The following NPPA variants were observed in gnomAD, a reference collection of about 807,000 sequenced individuals.
The protein encoded by NPPA is natriuretic peptides A.
A neutral mutation model predicts 12.2 loss-of-function variants in NPPA; 10 were observed. That is an observed-to-expected ratio of 0.82 (90% CI 0.50 to 1.38). The LOEUF is 1.38. Ranked by LOEUF, NPPA falls within the 40% of genes most tolerant of loss-of-function variation. The pLI, the probability that NPPA is intolerant of heterozygous loss-of-function variation, is 0.00. For synonymous variants in NPPA, 85 were observed against 80.2 expected (o/e 1.06, Z -0.32); for missense variants, 207 against 193.5 (o/e 1.07, Z -0.41).
In NPPA at chr1:11,847,720, C is replaced by T. The variant is rs1390343979; in HGVS notation, c.-36G>A. 1 of 1,613,528 alleles carries T rather than the reference C, an allele frequency of 6.2e-7. No homozygotes were observed. The highest frequency in any genetic ancestry group is 1.1e-5 in the South Asian group (1 of 91,046). On this transcript the variant is annotated 5_prime_UTR_variant, in exon 1 of 3. Transcript: ENST00000376480. ...TCAAGGAGCAATCCACTGCTTGCTG[C>T]TCTGTCTCTCCCCTCTGGTTCCTCT...
chr1:11,846,269 A>G (rs1158393263), intron 2 of NPPA, among the ~76,000 whole-genome samples: 2 of 151,544 alleles, frequency 1.3e-5, no homozygotes, highest in Non-Finnish European at 2.9e-5. Flanking sequence ...CCATGCAAAG[A>G]TAACTTGGCT....
intron 1 of NPPA, 56 bp downstream of exon 1, chr1:11,847,506 A>G (rs1645077813): frequency 6.2e-7 from 1 of 1,614,034 alleles, no homozygotes; most frequent in Non-Finnish European, 8.5e-7. Flanking sequence ...AAGAGGAGTG[A>G]GCACAGCATC....
At chr1:11,847,075 GTCCATCCCATCCCATT>G (rs1645073826) in intron 2 of NPPA, 22 bp downstream of exon 2, 1 of 1,500,274 alleles carries the variant, frequency 6.7e-7, no homozygotes, top group African/African-American at 1.4e-5. Context: ...TCCCAGTAGT[GTCCATCCCATCCCATT>G]TCCATCCCCA....
chr1:11,845,872 G>C lies in NPPA; in HGVS notation c.*137C>G, dbSNP rs1645064756. The C allele has an allele frequency of 4.6e-6, 4 of 864,882 alleles. No homozygotes were observed. The Admixed American group carries it at 7.0e-5, about 15-fold the overall frequency. 53.6% of individuals were successfully genotyped at this position (864,882 alleles called of 1,614,324 possible). On this transcript the variant is annotated 3_prime_UTR_variant, in exon 3 of 3. Transcript: ENST00000376480. ...CATAAGATGTGAGAAGTGTTGACAG[G>C]AAGCTGCAGCTTAGATGGGATGATC...
At chr1:11,847,493 ATCAAGAGGAG>A in intron 1 of NPPA, 54 bp from the exon 2 acceptor site, 2 of 1,614,076 alleles carry the variant, frequency 1.2e-6, no homozygotes, top group Non-Finnish European at 1.7e-6. Flanking sequence ...CTTGGAGGAA[ATCAAGAGGAG>A]TGAGCACAGC....
Position 11,847,286 on chromosome 1 carries a change from C to T in NPPA, c.277G>A (p.Asp93Asn). The stretch of plus-strand genomic sequence containing the variant: ...GGGCCCCGCCCGAGGGCACCTCCAT[C>T]TCTCTGGGCTGGGCTGACTTCCCCG... ...WTGEVSPAQR[D>N]GGALGRGPWD... The change falls in exon 2 of 3, where the codon GAT becomes AAT. Residue 93 changes from aspartate to asparagine, a missense_variant. Transcript: ENST00000376480. 1 of 1,613,568 alleles carries T rather than the reference C, an allele frequency of 6.2e-7. No homozygotes were observed. The highest frequency in any genetic ancestry group is 8.5e-7 in the Non-Finnish European group (1 of 1,179,688).
Position 11,847,219 on chromosome 1 carries a change from A to G in NPPA, c.344T>C (p.Leu115Pro). The stretch of plus-strand genomic sequence containing the variant: ...CCGAGGGGCAGTGAGCAGCGCCCTC[A>G]GCTTGCTTTTTAGGAGGGCAGATCG... ...SDRSALLKSK[L>P]RALLTAPRSL... is the part of the protein sequence containing the mutation. Residue 115 changes from leucine to proline, a missense_variant, in exon 2 of 3, where the codon CTG (leucine) becomes CCG (proline). Transcript: ENST00000376480. 3 of 1,611,820 alleles carry G rather than the reference A, an allele frequency of 1.9e-6. No homozygotes were observed. The highest frequency in any genetic ancestry group is 2.5e-6 in the Non-Finnish European group (3 of 1,178,222).
rs948758051 is a variant in NPPA, at chr1:11,847,225, C to G, written c.338G>C (p.Ser113Thr). 18 of 1,612,266 alleles carry G rather than the reference C, an allele frequency of 1.1e-5. No homozygotes were observed. In the Admixed American group the frequency reaches 1.5e-4, roughly 13 times the overall value. ...DSSDRSALLK[S>T]KLRALLTAPR... ...GGCAGTGAGCAGCGCCCTCAGCTTGCTTTTTAGGAGGGCAGATCGATCAGA... is the reference window on the plus strand; with the variant it reads ...GGCAGTGAGCAGCGCCCTCAGCTTGGTTTTTAGGAGGGCAGATCGATCAGA... The change falls in exon 2 of 3, where the codon AGC becomes ACC. Residue 113 changes from serine (S) to threonine (T), a missense_variant. Coordinates refer to ENST00000376480, the MANE Select transcript of NPPA (RefSeq NM_006172.4).
In NPPA at chr1:11,847,170, G is replaced by A. The variant is rs768567024; in HGVS notation, c.393C>T (p.Phe131=). ...CTCCAATCCTGTCCATCCTGCCCCCGAAGCAGCTGGATCTCCGCAGGCTCC... is the reference window on the plus strand; with the variant it reads ...CTCCAATCCTGTCCATCCTGCCCCCAAAGCAGCTGGATCTCCGCAGGCTCC... ...APRSLRRSSC[F]GGRMDRIGAQ... is the part of the protein sequence containing the mutation. Residue 131 remains phenylalanine (F), a synonymous_variant, in exon 2 of 3, where the codon TTC becomes TTT. Coordinates refer to ENST00000376480, the MANE Select transcript of NPPA (RefSeq NM_006172.4). The A allele has an allele frequency of 6.7e-5, 107 of 1,589,870 alleles. No homozygotes were observed. Among genetic ancestry groups the A allele is most frequent in the Middle Eastern group, 1.7e-4 (1 of 5,984 alleles).
Position 11,847,459 on chromosome 1 carries a change from A to G in NPPA, c.124-20T>C, listed in dbSNP as rs373867029. On this transcript the variant is annotated intron_variant, in intron 1 of 2. Transcript: ENST00000376480. ...CAAATTCTTTAGAAAAGGAAAATAC[A>G]GGGAAAGGGATAAACCTCACTGACT... 32 of 1,613,904 alleles carry G rather than the reference A, an allele frequency of 2.0e-5. No homozygotes were observed. The highest frequency in any genetic ancestry group is 2.5e-5 in the Non-Finnish European group (30 of 1,179,950).
intron 2 of NPPA, 75 bp from the exon 3 acceptor site, chr1:11,846,089 G>T: frequency 2.0e-6 from 3 of 1,484,238 alleles, no homozygotes; most frequent in Non-Finnish European, 2.8e-6. Flanking sequence ...GTATGAGTGT[G>T]CCCATCCTCT....
rs372732657 is a variant in NPPA, at chr1:11,847,345, G to A, written c.218C>T (p.Ala73Val). The stretch of plus-strand genomic sequence containing the variant: ...AGGCACCTCAGGGAGGGGGCTGAGA[G>A]CAGCCCCCGCTTCTTCATTCGGCTC... ...LSEPNEEAGA[A>V]LSPLPEVPPW... The change falls in exon 2 of 3, where the codon GCT becomes GTT. Residue 73 changes from alanine to valine, a missense_variant. Coordinates refer to ENST00000376480, the MANE Select transcript of NPPA (RefSeq NM_006172.4). 4.3e-6 allele frequency: 7 copies of A among 1,613,326 alleles called. No individual in the cohort carries two copies. Among genetic ancestry groups the A allele is most frequent in the Admixed American group, 1.7e-5 (1 of 59,950 alleles).
Position 11,847,383 on chromosome 1 carries a change from TGG to T in NPPA, c.178_179del (p.Pro60ThrfsTer5). 2.5e-6 allele frequency: 4 copies of T among 1,614,012 alleles called. No homozygotes were observed. The highest frequency in any genetic ancestry group is 3.4e-6 in the Non-Finnish European group (4 of 1,179,972). On this transcript the variant is annotated frameshift_variant, in exon 2 of 3. Coordinates refer to ENST00000376480, the MANE Select transcript of NPPA (RefSeq NM_006172.4). LOFTEE classifies it high-confidence loss of function. ...KMPLEDEVVP[P>X]QVLSEPNEEA... ...CTTCATTCGGCTCACTGAGCACTTG[TGG>T]GGGCACGACCTCATCTTCTAAAGGC...
rs770401799 is a variant in NPPA at position 11,847,607 on chromosome 1, A to T, written c.78T>A (p.Asn26Lys). Residue 26 changes from asparagine (N) to lysine (K), a missense_variant, in exon 1 of 3, where the codon AAT becomes AAA. Physicochemically the swap from Asn to Lys is moderately conservative, Grantham distance 94. Coordinates refer to ENST00000376480, the MANE Select transcript of NPPA (RefSeq NM_006172.4). ...CGTTGGACACGGCATTGTACATGGG[A>T]TTAGCTCTGGTCTGACCTAGGAGCT... ...AFQLLGQTRANPMYNAVSNAD... is the reference protein window; with the variant it reads ...AFQLLGQTRAKPMYNAVSNAD... The T allele has an allele frequency of 5.6e-6, 9 of 1,614,020 alleles. No homozygotes were observed. The highest frequency in any genetic ancestry group is 1.3e-5 in the African/African-American group (1 of 75,006).
Position 11,847,726 on chromosome 1 carries a change from C to G in NPPA, c.-42G>C, listed in dbSNP as rs753647428. On this transcript the variant is annotated 5_prime_UTR_variant, in exon 1 of 3. Coordinates refer to ENST00000376480, the MANE Select transcript of NPPA (RefSeq NM_006172.4). ...AGCAATCCACTGCTTGCTGCTCTGT[C>G]TCTCCCCTCTGGTTCCTCTCTGGTT... 2.5e-6 allele frequency: 4 copies of G among 1,613,304 alleles called. No homozygotes were observed. The highest frequency in any genetic ancestry group is 1.1e-5 in the South Asian group (1 of 91,024).
At position 11,845,754 on chromosome 1, in the gene NPPA, C is replaced by T; in HGVS notation, c.*255G>A. On this transcript the variant is annotated 3_prime_UTR_variant, in exon 3 of 3. Coordinates refer to ENST00000376480, the MANE Select transcript of NPPA (RefSeq NM_006172.4). ...CTGAAGTTTATTCACTTTCAAACCA[C>T]TTTCAGTAACAGGTGAGGTTCTACC... The T allele has an allele frequency of 5.4e-6, 3 of 556,524 alleles. No individual in the cohort carries two copies. The highest frequency in any genetic ancestry group is 5.0e-4 in the Middle Eastern group (1 of 2,014). The allele number at this position is 556,524 out of a possible 1,614,324, so 34.5% of individuals were successfully genotyped here.
At position 11,846,286 on chromosome 1, in the gene NPPA, A is replaced by G. The variant is rs371626374; in HGVS notation, c.451-272T>C. On this transcript the variant is annotated intron_variant, in intron 2 of 2. Coordinates refer to ENST00000376480, the MANE Select transcript of NPPA (RefSeq NM_006172.4). ...ATGCAAAGATAACTTGGCTCTATGAATATTTTAATTTCCCAGTGCTAGTGG... is the reference window on the plus strand; with the variant it reads ...ATGCAAAGATAACTTGGCTCTATGAGTATTTTAATTTCCCAGTGCTAGTGG... Among the ~76,000 whole-genome samples, 449 of 150,820 alleles carry G rather than the reference A, an allele frequency of 3.0e-3. 4 individuals carry two copies. The highest frequency in any genetic ancestry group is 9.9e-3 in the African/African-American group (406 of 40,860).
Sources: gnomAD v4.1 joint callset for allele counts (sites outside exome capture counted in the v4.1 genomes callset) on GRCh38, gnomAD v4.1.1 for gene constraint, MANE v1.5 for transcripts, NCBI Gene and HGNC (gene_info 2026-07-23, HGNC 2026-07-21) for gene names.